HTR7: variants seen among roughly 807,000 people sequenced by gnomAD.
HTR7 encodes 5-HT-7.
HTR7 carries 16 observed loss-of-function variants against 34.0 expected under a neutral mutation model. The observed-to-expected ratio is 0.47, with a 90% CI of 0.32 to 0.71. HTR7 has a LOEUF of 0.71. Among genes scored for constraint, HTR7 ranks in the 30% least tolerant of loss-of-function variants. The probability of loss-of-function intolerance (pLI) is 0.04; values close to 1 mark genes in which losing one functional copy is unlikely to be tolerated. For synonymous variants in HTR7, 265 were observed against 260.2 expected (o/e 1.02, Z -0.18); for missense variants, 504 against 625.5 (o/e 0.81, Z 2.07).
At chr10:90,770,517 G>A (rs558338977) in intron 1 of HTR7, among the ~76,000 whole-genome samples, 2 of 152,184 alleles carry the variant, frequency 1.3e-5, no homozygotes, top group Non-Finnish European at 2.9e-5. Flanking sequence ...AACCCCTTGG[G>A]TTGTCTGCTC....
Position 90,838,797 on chromosome 10 carries a change from C to T in HTR7, c.539+18336G>A, listed in dbSNP as rs185608514. 3.8e-4 allele frequency among the ~76,000 whole-genome samples: 58 copies of T among 152,280 alleles called. 1 individual carries two copies. Among genetic ancestry groups the T allele is most frequent in the Admixed American group, 2.8e-3 (43 of 15,294 alleles). ...GCTGGCTCCTTCATGTCATTTACAT[C>T]TCAGTTACATGTCACCTCCTCAGAA... On this transcript the variant is annotated intron_variant, in intron 1 of 3. Coordinates refer to ENST00000336152, the MANE Select transcript of HTR7 (RefSeq NM_019859.4).
chr10:90,763,135 T>C (rs1245705619), intron 1 of HTR7, among the ~76,000 whole-genome samples: 1 of 152,220 alleles, frequency 6.6e-6, no homozygotes, highest in Admixed American at 6.5e-5. Flanking sequence ...TCTGATTCCA[T>C]ATGAATTTTA....
chr10:90,773,308 A>G (rs1845147428), intron 1 of HTR7, among the ~76,000 whole-genome samples: 2 of 152,104 alleles, frequency 1.3e-5, no homozygotes, highest in Non-Finnish European at 2.9e-5. Context: ...TTTCCTCTAT[A>G]GGTGTCATTC....
chr10:90,829,542 T>C (rs1846132152), intron 1 of HTR7, among the ~76,000 whole-genome samples: 1 of 151,812 alleles, frequency 6.6e-6, no homozygotes, highest in African/African-American at 2.4e-5. Context: ...TGACAGGCCC[T>C]GGTGTGTGAT....
At chr10:90,777,713 A>C (rs1180292858) in intron 1 of HTR7, among the ~76,000 whole-genome samples, 1 of 152,180 alleles carries the variant, frequency 6.6e-6, no homozygotes, top group Non-Finnish European at 1.5e-5. Context: ...AACTATCTCA[A>C]CTGAAAGCAT....
intron 1 of HTR7, among the ~76,000 whole-genome samples, chr10:90,824,331 C>T (rs1846034870): frequency 6.6e-6 from 1 of 152,212 alleles, no homozygotes; most frequent in Non-Finnish European, 1.5e-5. Flanking sequence ...TAATAACCTC[C>T]TGACTAAAGA....
Position 90,748,797 on chromosome 10 carries a change from G to C in HTR7, c.1295+42C>G, listed in dbSNP as rs1237783373. ...ATGTGCCTCAAAAAGCTGCATAAAA[G>C]GGTTTGGGGGATAAAAGGAAAATAG... On this transcript the variant is annotated intron_variant, in intron 2 of 3. Coordinates refer to ENST00000336152, the MANE Select transcript of HTR7 (RefSeq NM_019859.4). 5.2e-6 allele frequency: 8 copies of C among 1,553,116 alleles called. No homozygotes were observed. The Admixed American group carries it at 1.6e-4, about 31-fold the overall frequency.
At chr10:90,800,512 CTTT>C (rs1845609367) in intron 1 of HTR7, among the ~76,000 whole-genome samples, 1 of 146,374 alleles carries the variant, frequency 6.8e-6, no homozygotes, top group African/African-American at 2.5e-5. Flanking sequence ...GAAACTAGTC[CTTT>C]CAAAAGACTA....
chr10:90,758,946 G>T (rs1159784249), intron 1 of HTR7, among the ~76,000 whole-genome samples: 1 of 152,090 alleles, frequency 6.6e-6, no homozygotes, highest in Non-Finnish European at 1.5e-5. Flanking sequence ...CCAGCACTTT[G>T]GGAGGCTGAG....
chr10:90,794,316 T>A (rs1181122422), intron 1 of HTR7, among the ~76,000 whole-genome samples: 1 of 152,164 alleles, frequency 6.6e-6, no homozygotes, highest in Non-Finnish European at 1.5e-5. Context: ...CCTTCTTGAA[T>A]ACCTCCTTAA....
intron 1 of HTR7, among the ~76,000 whole-genome samples, chr10:90,825,017 G>C (rs1846047660): frequency 6.6e-6 from 1 of 152,188 alleles, no homozygotes; most frequent in Non-Finnish European, 1.5e-5. Context: ...TGGTTACAGT[G>C]GGCCTTGGGC....
intron 1 of HTR7, among the ~76,000 whole-genome samples, chr10:90,791,647 T>C (rs766633879): frequency 1.3e-5 from 2 of 152,116 alleles, no homozygotes; most frequent in East Asian, 3.9e-4. Flanking sequence ...TAAACACATA[T>C]ACTATGTCAA....
intron 1 of HTR7, among the ~76,000 whole-genome samples, chr10:90,804,323 A>C (rs1302792760): frequency 6.6e-6 from 1 of 152,214 alleles, no homozygotes; most frequent in Non-Finnish European, 1.5e-5. Context: ...CCTGGGTACC[A>C]AGAGGGCAGG....
At position 90,742,305 on chromosome 10, in the gene HTR7, G is replaced by C. The variant is rs1844564483; in HGVS notation, c.*177C>G. On this transcript the variant is annotated 3_prime_UTR_variant, in exon 4 of 4. Transcript: ENST00000336152. ...CAATAGCACTGATCCACAGAAAAAAGGAGAAGTCACCATCTCCCTCATAAG... is the reference window on the plus strand; with the variant it reads ...CAATAGCACTGATCCACAGAAAAAACGAGAAGTCACCATCTCCCTCATAAG... The C allele has an allele frequency of 1.9e-6, 1 of 517,622 alleles. No individual in the cohort carries two copies. The highest frequency in any genetic ancestry group is 3.1e-5 in the East Asian group (1 of 32,012). 32.1% of individuals were successfully genotyped at this position (517,622 alleles called of 1,614,324 possible).
intron 1 of HTR7, among the ~76,000 whole-genome samples, chr10:90,760,077 CTAT>C (rs1163307500): frequency 1.3e-5 from 2 of 152,158 alleles, no homozygotes; most frequent in East Asian, 1.9e-4. Flanking sequence ...TATTGTAGCA[CTAT>C]TCACAATAGC....
At chr10:90,848,041 A>G (rs1846435849) in intron 1 of HTR7, among the ~76,000 whole-genome samples, 1 of 148,776 alleles carries the variant, frequency 6.7e-6, no homozygotes, top group Admixed American at 6.7e-5. Flanking sequence ...TCTCCATCCC[A>G]TCTAAAAGCA....
chr10:90,770,533 G>A (rs957237629), intron 1 of HTR7, among the ~76,000 whole-genome samples: 3 of 152,204 alleles, frequency 2.0e-5, no homozygotes, highest in Non-Finnish European at 4.4e-5. Context: ...TGCTCCTGCT[G>A]CCTGGCCTCT....
At position 90,834,120 on chromosome 10, in the gene HTR7, G is replaced by A. The variant is rs567179045; in HGVS notation, c.539+23013C>T. ...CATCAGGTTTTATATACCCAGCTGA[G>A]GAGTAGGAGGGAAATAAATAAAGGA... On this transcript the variant is annotated intron_variant, in intron 1 of 3. Coordinates refer to ENST00000336152, the MANE Select transcript of HTR7 (RefSeq NM_019859.4). Among the ~76,000 whole-genome samples, 9 of 152,282 alleles carry A rather than the reference G, an allele frequency of 5.9e-5. No individual in the cohort carries two copies. The East Asian group carries it at 1.2e-3, about 20-fold the overall frequency.
intron 1 of HTR7, among the ~76,000 whole-genome samples, chr10:90,764,858 T>G (rs1403717307): frequency 6.6e-6 from 1 of 152,158 alleles, no homozygotes; most frequent in Non-Finnish European, 1.5e-5. Context: ...TTATATTATT[T>G]TTATCTTTCC....
Sources: gnomAD v4.1 joint callset for allele counts (sites outside exome capture counted in the v4.1 genomes callset) on GRCh38, gnomAD v4.1.1 for gene constraint, MANE v1.5 for transcripts, NCBI Gene and HGNC (gene_info 2026-07-23, HGNC 2026-07-21) for gene names.